The following SCNN1B variants were observed in gnomAD, a reference collection of about 807,000 sequenced individuals.
SCNN1B encodes epithelial sodium channel subunit beta.
SCNN1B carries 46 observed loss-of-function variants against 65.3 expected under a neutral mutation model. The ratio of observed to expected loss-of-function variants is 0.70; its 90% CI spans 0.56 to 0.90. The LOEUF (loss-of-function observed/expected upper bound fraction) is 0.90. SCNN1B is among the 40% of genes least tolerant of loss of function. The pLI is 0.00. For missense variants in SCNN1B, 751 were observed against 830.5 expected (o/e 0.90, Z 1.18); for synonymous variants, 349 against 330.6 (o/e 1.06, Z -0.60).
chr16:23,301,083 G>A (rs1286761862), upstream of SCNN1B, among the ~76,000 whole-genome samples: 3 of 151,392 alleles, frequency 2.0e-5, no homozygotes, highest in Admixed American at 6.6e-5. Flanking sequence ...AAGATTCCTG[G>A]CTGGGCATGG....
At chr16:23,306,127 C>T (rs1868779868) in intron 1 of SCNN1B, among the ~76,000 whole-genome samples, 1 of 151,802 alleles carries the variant, frequency 6.6e-6, no homozygotes, top group Admixed American at 6.6e-5. Flanking sequence ...CCTGTAGTCC[C>T]AGCTACTTGG....
At chr16:23,368,056 AG>A (rs3214467) in intron 5 of SCNN1B, 97 bp downstream of exon 5, 2 of 959,532 alleles carry the variant, frequency 2.1e-6, no homozygotes, top group African/African-American at 1.6e-5. Flanking sequence ...GGTGGGACTG[AG>A]GGGGGACCAA....
Position 23,348,776 on chromosome 16 carries a change from C to T in SCNN1B, c.177C>T (p.Phe59=), listed in dbSNP as rs778937866. ...KAMWFLLTLL[F]AALVCWQWGI... is the part of the protein sequence containing the mutation. ...TGTGGTTCCTGCTCACCCTGCTCTT[C>T]GCCGCCCTCGTCTGCTGGCAGTGGG... Residue 59 remains phenylalanine, a synonymous_variant, in exon 2 of 13, where the codon TTC becomes TTT. Coordinates refer to ENST00000343070, the MANE Select transcript of SCNN1B (RefSeq NM_000336.3). The surrounding 1 kb of genome is among the most constrained non-coding windows in gnomAD (Gnocchi z 4.5). The T allele has an allele frequency of 1.1e-4, 180 of 1,614,078 alleles. 1 individual carries two copies. The highest frequency in any genetic ancestry group is 1.1e-3 in the South Asian group (101 of 91,082).
At chr16:23,339,628 C>G (rs1410885086) in intron 1 of SCNN1B, among the ~76,000 whole-genome samples, 1 of 151,436 alleles carries the variant, frequency 6.6e-6, no homozygotes, top group Non-Finnish European at 1.5e-5. Flanking sequence ...TGCAATGGCA[C>G]GATCTCGACT....
chr16:23,309,919 A>G (rs1334835911), intron 1 of SCNN1B, among the ~76,000 whole-genome samples: 1 of 152,196 alleles, frequency 6.6e-6, no homozygotes, highest in Non-Finnish European at 1.5e-5. Flanking sequence ...CCGTGAGAGC[A>G]TGTGTCAAGG....
intron 1 of SCNN1B, among the ~76,000 whole-genome samples, chr16:23,345,116 A>G (rs1375166767): frequency 6.6e-6 from 1 of 152,142 alleles, no homozygotes; most frequent in Non-Finnish European, 1.5e-5. Context: ...TGTGTCAGAT[A>G]ATTGGATCAG....
chr16:23,379,338 CAT>C (rs1491175720), intron 11 of SCNN1B, among the ~76,000 whole-genome samples: 2 of 152,100 alleles, frequency 1.3e-5, no homozygotes, highest in African/African-American at 2.4e-5. Context: ...AGGGGGCAAA[CAT>C]ATGTAAAAAG....
At chr16:23,317,394 T>C (rs1961494244) in intron 1 of SCNN1B, among the ~76,000 whole-genome samples, 1 of 152,180 alleles carries the variant, frequency 6.6e-6, no homozygotes, top group Admixed American at 6.5e-5. Context: ...GAAGTAGGTG[T>C]TGCCCAGCGT....
intron 3 of SCNN1B, 179 bp downstream of exon 3, chr16:23,353,253 T>C: frequency 1.5e-6 from 1 of 688,580 alleles, no homozygotes; most frequent in Non-Finnish European, 2.5e-6. Context: ...TAGTCAAGAC[T>C]CCTTTGGTAT....
chr16:23,349,798 T>C (rs1474124225), intron 2 of SCNN1B, among the ~76,000 whole-genome samples: 1 of 151,926 alleles, frequency 6.6e-6, no homozygotes, highest in African/African-American at 2.4e-5. Flanking sequence ...ATTATGATGA[T>C]AAAAAATAAA....
At chr16:23,357,634 A>G (rs994290140) in intron 4 of SCNN1B, among the ~76,000 whole-genome samples, 1 of 152,210 alleles carries the variant, frequency 6.6e-6, no homozygotes, top group Non-Finnish European at 1.5e-5. Flanking sequence ...TCTTGCACAC[A>G]ATGTCAAATA....
At chr16:23,359,732 T>C (rs1209178134) in intron 4 of SCNN1B, among the ~76,000 whole-genome samples, 1 of 152,218 alleles carries the variant, frequency 6.6e-6, no homozygotes, top group Non-Finnish European at 1.5e-5. Context: ...GACTTGAATG[T>C]CAGCTCAGTA....
upstream of SCNN1B, among the ~76,000 whole-genome samples, chr16:23,301,974 C>A (rs72652271): frequency 6.6e-6 from 1 of 151,932 alleles, no homozygotes; most frequent in Non-Finnish European, 1.5e-5. Context: ...CAGGTACACG[C>A]GTGGGGTGGG....
chr16:23,288,552 T>C (rs1960882881), intron 2 of SCNN1B, among the ~76,000 whole-genome samples: 1 of 152,090 alleles, frequency 6.6e-6, no homozygotes, highest in Admixed American at 6.5e-5. Flanking sequence ...CCTGTAAATC[T>C]CAGCACTTTG....
intron 5 of SCNN1B, among the ~76,000 whole-genome samples, chr16:23,370,011 A>G (rs1363522820): frequency 2.0e-5 from 3 of 152,030 alleles, no homozygotes; most frequent in African/African-American, 7.3e-5. Flanking sequence ...GCTCACTGCA[A>G]CCTCCGCCTC....
intron 11 of SCNN1B, 125 bp from the exon 12 acceptor site, chr16:23,379,967 CAT>C (rs1449083054): frequency 5.1e-6 from 4 of 784,706 alleles, no homozygotes; most frequent in African/African-American, 5.1e-5. Context: ...TGTGTGGGTA[CAT>C]GTGTGTGCAT....
chr16:23,324,326 C>A (rs1961649376), intron 1 of SCNN1B, among the ~76,000 whole-genome samples: 1 of 151,856 alleles, frequency 6.6e-6, no homozygotes, highest in African/African-American at 2.4e-5. Context: ...TAGCTGGGAC[C>A]ACAGGCATGC....
At chr16:23,358,378 G>A (rs1962463269) in intron 4 of SCNN1B, 1 of 152,094 alleles carries the variant, frequency 6.6e-6, no homozygotes, top group Non-Finnish European at 1.5e-5. Context: ...TGGGGTCTGG[G>A]GTTAGACCAC....
chr16:23,328,752 C>T (rs59925426), intron 1 of SCNN1B, among the ~76,000 whole-genome samples: 5,421 of 152,192 alleles, frequency 0.036, 311 homozygotes, highest in African/African-American at 0.12. Context: ...GTGGTGGTTT[C>T]GCCACCCATG....
Sources: gnomAD v4.1 joint callset for allele counts (sites outside exome capture counted in the v4.1 genomes callset) on GRCh38, gnomAD v4.1.1 for gene constraint, Gnocchi (gnomAD v3.1) non-coding constraint, MANE v1.5 for transcripts, NCBI Gene and HGNC (gene_info 2026-07-23, HGNC 2026-07-21) for gene names.